LIPH: variants seen among roughly 807,000 people sequenced by gnomAD.
LIPH encodes the protein lipase member H.
In LIPH, 32 loss-of-function variants were observed where a neutral mutation model predicts 47.6. The observed-to-expected ratio is 0.67, with a 90% CI of 0.51 to 0.90. The LOEUF is 0.90. Among genes scored for constraint, LIPH ranks in the 40% least tolerant of loss-of-function variants. The pLI is 0.00. For missense variants in LIPH, 497 were observed against 541.4 expected (o/e 0.92, Z 0.81); for synonymous variants, 190 against 195.6 (o/e 0.97, Z 0.24).
intron 3 of LIPH, among the ~76,000 whole-genome samples, chr3:185,529,916 A>AAGAAAGAAAGAAAGAAAGAGAGAAAGAG (rs1399990433): frequency 9.7e-4 from 38 of 39,034 alleles, no homozygotes; most frequent in African/African-American, 2.4e-3. Flanking sequence ...AAAAGAAAGA[A>AAGAAAGAAAGAAAGAAAGAGAGAAAGAG]AGAAAGAAAG....
intron 9 of LIPH, among the ~76,000 whole-genome samples, chr3:185,510,114 A>G (rs528561118): frequency 2.5e-4 from 38 of 151,862 alleles, no homozygotes; most frequent in Middle Eastern, 6.8e-3. Flanking sequence ...TGCCCAGCTA[A>G]TTTTTTATAT....
intron 6 of LIPH, 70 bp from the exon 7 acceptor site, chr3:185,517,232 A>G: frequency 1.2e-6 from 1 of 852,684 alleles, no homozygotes; most frequent in Non-Finnish European, 2.0e-6. Context: ...CTGAGGTAGC[A>G]AGAACATTGA....
intron 1 of LIPH, among the ~76,000 whole-genome samples, chr3:185,544,268 A>G (rs1337640760): frequency 6.6e-6 from 1 of 152,148 alleles, no homozygotes; most frequent in Non-Finnish European, 1.5e-5. Flanking sequence ...TCTTTCCTTC[A>G]GGAAAAATCA....
Position 185,517,103 on chromosome 3 carries a change from C to T in LIPH, c.946G>A (p.Ala316Thr), listed in dbSNP as rs1207540101. ...LRGKDPPMTK[A>T]FFDTAEESPF... ...CTCTCCTCAGCTGTGTCAAAGAATG[C>T]CTTCGTCATTGGAGGATCTTTCCCC... The change falls in exon 7 of 10, where the codon GCA becomes ACA. Residue 316 changes from alanine (A) to threonine (T), a missense_variant. Coordinates refer to ENST00000296252, the MANE Select transcript of LIPH (RefSeq NM_139248.3). 2 of 1,613,194 alleles carry T rather than the reference C, an allele frequency of 1.2e-6. No individual in the cohort carries two copies. Among genetic ancestry groups the T allele is most frequent in the East Asian group, 2.2e-5 (1 of 44,886 alleles).
chr3:185,548,323 A>G (rs1387982783), intron 1 of LIPH, among the ~76,000 whole-genome samples: 1 of 149,364 alleles, frequency 6.7e-6, no homozygotes, highest in African/African-American at 2.5e-5. Context: ...GAGAATTGCT[A>G]GAACCAGGGA....
chr3:185,516,093 C>A (rs1366070215), intron 7 of LIPH, among the ~76,000 whole-genome samples: 1 of 152,022 alleles, frequency 6.6e-6, no homozygotes, highest in Non-Finnish European at 1.5e-5. Context: ...ATTATTGTGC[C>A]ACTGCACTCC....
intron 9 of LIPH, among the ~76,000 whole-genome samples, chr3:185,509,175 C>G (rs2148944859): frequency 6.6e-6 from 1 of 151,822 alleles, no homozygotes; most frequent in African/African-American, 2.4e-5. Flanking sequence ...TCTGTGGTTC[C>G]AGCTACTCAG....
intron 1 of LIPH, among the ~76,000 whole-genome samples, chr3:185,536,216 G>T (rs1262734374): frequency 6.6e-6 from 1 of 152,118 alleles, no homozygotes; most frequent in South Asian, 2.1e-4. Context: ...CCCTCACAGT[G>T]CCCAGCACAT....
intron 3 of LIPH, among the ~76,000 whole-genome samples, chr3:185,529,777 CTA>C (rs1187649364): frequency 2.6e-5 from 4 of 151,134 alleles, no homozygotes; most frequent in Non-Finnish European, 5.9e-5. Flanking sequence ...GTAATCTTAG[CTA>C]CTCCGGAGAC....
At chr3:185,526,991 G>A (rs1464636957) in intron 4 of LIPH, among the ~76,000 whole-genome samples, 1 of 152,174 alleles carries the variant, frequency 6.6e-6, no homozygotes, top group Non-Finnish European at 1.5e-5. Flanking sequence ...TGTAATCCCA[G>A]CACTTTGGGA....
chr3:185,534,826 TG>T lies in LIPH; in HGVS notation c.355del (p.His119MetfsTer9). The T allele has an allele frequency of 1.2e-6, 2 of 1,613,440 alleles. No individual in the cohort carries two copies. The highest frequency in any genetic ancestry group is 1.7e-6 in the Non-Finnish European group (2 of 1,179,348). ...NRGATTLIYT[H>X]ASSKTRKVAM... is the part of the protein sequence containing the mutation. ...TACTTTTCTGGTCTTACTAGAGGCA[TG>T]GGTATATATTAAAGTTGTAGCTCCT... On this transcript the variant is annotated frameshift_variant, in exon 2 of 10. Transcript: ENST00000296252.
chr3:185,548,413 G>GA (rs566649441), intron 1 of LIPH, among the ~76,000 whole-genome samples: 1,463 of 125,576 alleles, frequency 0.012, 16 homozygotes, highest in African/African-American at 0.029. Context: ...CACATAAAAG[G>GA]AAAAAAAAAA....
Position 185,519,175 on chromosome 3 carries a change from C to T in LIPH, c.853G>A (p.Gly285Ser), listed in dbSNP as rs1023754563. 12 of 1,613,906 alleles carry T rather than the reference C, an allele frequency of 7.4e-6. No homozygotes were observed. The highest frequency in any genetic ancestry group is 1.6e-4 in the Middle Eastern group (1 of 6,084). Reference sequence around the variant, plus strand: ...GGACAGGACTCTTTTTGTGACGTGCCGCAGCTGACACACTTGCCATTCCTA... The same window carrying T: ...GGACAGGACTCTTTTTGTGACGTGCTGCAGCTGACACACTTGCCATTCCTA... ...DYRNGKCVSC[G>S]TSQKESCPLL... Residue 285 changes from glycine to serine, a missense_variant, in exon 6 of 10, where the codon GGC becomes AGC. By Grantham distance (56) the Gly-to-Ser change is moderately conservative. Coordinates refer to ENST00000296252, the MANE Select transcript of LIPH (RefSeq NM_139248.3).
chr3:185,517,009 C>G lies in LIPH; in HGVS notation c.982+58G>C, dbSNP rs558390716. 182 of 1,131,776 alleles carry G rather than the reference C, an allele frequency of 1.6e-4. 2 individuals are homozygous for G. The Middle Eastern group carries it at 7.6e-3, about 47-fold the overall frequency. 70.1% of individuals were successfully genotyped at this position (1,131,776 alleles called of 1,614,324 possible). On this transcript the variant is annotated intron_variant, in intron 7 of 9. Transcript: ENST00000296252. Reference sequence around the variant, plus strand: ...CCAAGAAGTAGCCAGGAAGCTGAGACTCAGCCATCCCCAAAATGAGAGTTA... The same window carrying G: ...CCAAGAAGTAGCCAGGAAGCTGAGAGTCAGCCATCCCCAAAATGAGAGTTA...
In LIPH at chr3:185,508,005, C is replaced by T. The variant is rs1281966861; in HGVS notation, c.*785G>A. On this transcript the variant is annotated 3_prime_UTR_variant, in exon 10 of 10. Coordinates refer to ENST00000296252, the MANE Select transcript of LIPH (RefSeq NM_139248.3). ...CTGTCCCCATGTGAAGAGGCTGCCC[C>T]ACGGCTTCCTCGTCCTTCTTTCTTC... The T allele has an allele frequency of 1.3e-5, 2 of 152,372 alleles. No individual in the cohort carries two copies. Among genetic ancestry groups the T allele is most frequent in the Non-Finnish European group, 2.9e-5 (2 of 68,202 alleles). The allele number at this position is 152,372 out of a possible 1,614,324, so 9.4% of individuals were successfully genotyped here.
Position 185,547,817 on chromosome 3 carries a change from C to T in LIPH, c.49+4606G>A, listed in dbSNP as rs538109485. 2.0e-5 allele frequency among the ~76,000 whole-genome samples: 3 copies of T among 148,686 alleles called. No homozygotes were observed. In the South Asian group the frequency reaches 6.5e-4, roughly 32 times the overall value. On this transcript the variant is annotated intron_variant, in intron 1 of 9. Coordinates refer to ENST00000296252, the MANE Select transcript of LIPH (RefSeq NM_139248.3). ...TCCAGCCTGGGCAACAAGAGCAAAA[C>T]TCCATCTCCAAAAAAAAAAAAAAGA...
At chr3:185,511,382 A>G in intron 9 of LIPH, 142 bp downstream of exon 9, 1 of 824,920 alleles carries the variant, frequency 1.2e-6, no homozygotes, top group Non-Finnish European at 2.0e-6. Flanking sequence ...CTTGTTTATA[A>G]TAAAAACTAT....
chr3:185,536,239 A>G (rs1238930046), intron 1 of LIPH, among the ~76,000 whole-genome samples: 1 of 152,184 alleles, frequency 6.6e-6, no homozygotes, highest in Non-Finnish European at 1.5e-5. Context: ...TAGAGGACTC[A>G]ATAACATGTG....
intron 1 of LIPH, among the ~76,000 whole-genome samples, chr3:185,550,750 G>A (rs936110737): frequency 6.6e-6 from 1 of 151,966 alleles, no homozygotes; most frequent in South Asian, 2.1e-4. Context: ...TGTATTTTCA[G>A]TAGAGATGGG....
Sources: allele counts gnomAD v4.1 joint callset (sites outside exome capture counted in the v4.1 genomes callset), GRCh38; gene constraint gnomAD v4.1.1; transcripts MANE v1.5; gene names NCBI Gene and HGNC (gene_info 2026-07-23, HGNC 2026-07-21).